The following RGS5 variants were observed in gnomAD, a reference collection of about 807,000 sequenced individuals.
The protein encoded by RGS5 is regulator of G protein signaling 5.
Under a neutral mutation model 18.9 loss-of-function variants are expected in RGS5, and 20 were observed. The observed-to-expected ratio is 1.06, with a 90% CI of 0.74 to 1.54. The LOEUF is 1.54. Among genes scored for constraint, RGS5 ranks in the 40% most tolerant of loss-of-function variants. The pLI, the probability that RGS5 is intolerant of heterozygous loss-of-function variation, is 0.00. For synonymous variants in RGS5, 57 were observed against 76.2 expected, an observed-to-expected ratio of 0.75 and a Z score of 1.31; for missense variants, 201 against 211.8, an observed-to-expected ratio of 0.95 and a Z score of 0.32.
At chr1:163,296,020 G>A (rs181463322) in intron 2 of RGS5, among the ~76,000 whole-genome samples, 5 of 152,226 alleles carry the variant, frequency 3.3e-5, no homozygotes, top group Non-Finnish European at 7.4e-5. Flanking sequence ...CAAGTTCTTA[G>A]GTTGGCATCT....
intron 2 of RGS5, among the ~76,000 whole-genome samples, 175 bp downstream of exon 2, chr1:163,168,083 A>G (rs1053072667): frequency 6.6e-6 from 1 of 152,094 alleles, no homozygotes; most frequent in Non-Finnish European, 1.5e-5. Flanking sequence ...TGCTCCAGAC[A>G]TGAGATAGTT....
chr1:163,175,861 A>C (rs1476851315), intron 1 of RGS5, among the ~76,000 whole-genome samples: 3 of 152,202 alleles, frequency 2.0e-5, no homozygotes, highest in Non-Finnish European at 4.4e-5. Context: ...AAATGATAAA[A>C]AGGTGAAGAA....
chr1:163,234,602 G>C (rs933578330), intron 2 of RGS5, among the ~76,000 whole-genome samples: 1 of 152,112 alleles, frequency 6.6e-6, no homozygotes, highest in African/African-American at 2.4e-5. Context: ...CCTCCATAAA[G>C]ATCATAGAAT....
chr1:163,196,110 G>T (rs114439041), intron 1 of RGS5, among the ~76,000 whole-genome samples: 1 of 152,064 alleles, frequency 6.6e-6, no homozygotes, highest in Non-Finnish European at 1.5e-5. Context: ...TTCCTCGATC[G>T]TTAGAAACAA....
At chr1:163,209,217 T>C (rs1026149316) in intron 1 of RGS5, among the ~76,000 whole-genome samples, 1 of 152,120 alleles carries the variant, frequency 6.6e-6, no homozygotes, top group African/African-American at 2.4e-5. Flanking sequence ...AATTACAGAG[T>C]ATCTTACACT....
chr1:163,179,725 G>A (rs1365343250), intron 1 of RGS5, among the ~76,000 whole-genome samples: 2 of 152,168 alleles, frequency 1.3e-5, no homozygotes, highest in Non-Finnish European at 2.9e-5. Context: ...TAAGTTTAGT[G>A]AGAAAACCTC....
At chr1:163,250,744 G>C (rs911107177) in intron 2 of RGS5, among the ~76,000 whole-genome samples, 9 of 152,286 alleles carry the variant, frequency 5.9e-5, no homozygotes, top group African/African-American at 2.2e-4. Flanking sequence ...GCTCTGTTGA[G>C]TCAGTAATTC....
At chr1:163,191,459 G>A (rs1485357461) in intron 1 of RGS5, among the ~76,000 whole-genome samples, 1 of 152,184 alleles carries the variant, frequency 6.6e-6, no homozygotes, top group Non-Finnish European at 1.5e-5. Flanking sequence ...CCTCTTCAGA[G>A]TAACAGTTTA....
chr1:163,307,995 AT>A (rs1461787783), intron 1 of RGS5, among the ~76,000 whole-genome samples: 1 of 152,210 alleles, frequency 6.6e-6, no homozygotes, highest in Non-Finnish European at 1.5e-5. Flanking sequence ...TCTTAACTCC[AT>A]GAACAATCTG....
intron 1 of RGS5, among the ~76,000 whole-genome samples, chr1:163,182,756 G>A (rs947087541): frequency 7.9e-5 from 12 of 152,258 alleles, no homozygotes; most frequent in African/African-American, 2.9e-4. Flanking sequence ...CAAAGGTGGA[G>A]GGGTCAGAAG....
intron 2 of RGS5, among the ~76,000 whole-genome samples, chr1:163,296,649 T>C (rs1177306156): frequency 1.3e-5 from 2 of 152,174 alleles, no homozygotes; most frequent in African/African-American, 4.8e-5. Flanking sequence ...AGGTTATAGT[T>C]TATTCTAACT....
intron 2 of RGS5, among the ~76,000 whole-genome samples, chr1:163,259,407 GC>G (rs922687436): frequency 3.3e-5 from 5 of 149,488 alleles, no homozygotes; most frequent in African/African-American, 1.2e-4. Flanking sequence ...CTCGTGATCC[GC>G]CCGCCTCTGC....
At chr1:163,270,181 T>C (rs1056955019) in intron 2 of RGS5, among the ~76,000 whole-genome samples, 1 of 151,976 alleles carries the variant, frequency 6.6e-6, no homozygotes, top group Non-Finnish European at 1.5e-5. Context: ...CTCAGAGATG[T>C]TTGAATTCTT....
upstream of RGS5, among the ~76,000 whole-genome samples, chr1:163,218,679 T>C (rs1660270479): frequency 6.6e-6 from 1 of 152,090 alleles, no homozygotes. Flanking sequence ...TTCACCTACG[T>C]TCCCCAGGTG....
In RGS5 at chr1:163,161,982, T is replaced by A. The variant is rs76235208; in HGVS notation, c.156-6A>T. 7,259 of 1,611,236 alleles carry A rather than the reference T, an allele frequency of 4.5e-3. 26 individuals are homozygous for A. Among genetic ancestry groups the A allele is most frequent in the Non-Finnish European group, 5.6e-3 (6,545 of 1,177,588 alleles). On this transcript the variant is annotated splice_region_variant and splice_polypyrimidine_tract_variant and intron_variant, in intron 2 of 4. Transcript: ENST00000313961. The stretch of plus-strand genomic sequence containing the variant: ...GGGCCTCGTCCAGCGAGGTTCTACA[T>A]CAATAATAAGGAGAGAAAAGGGGTA...
rs992764050 is a variant in RGS5 at position 163,146,231 on chromosome 1, A to G, written c.*1111T>C. The G allele has an allele frequency of 6.7e-6, 1 of 149,258 alleles. No individual in the cohort carries two copies. The highest frequency in any genetic ancestry group is 2.6e-5 in the African/African-American group (1 of 38,970). The allele number at this position is 149,258 out of a possible 1,614,324, so 9.2% of individuals were successfully genotyped here. On this transcript the variant is annotated 3_prime_UTR_variant, in exon 5 of 5. Transcript: ENST00000313961. ...ATAGTGAAGGAATACTGGGGTTGCT[A>G]AAAGATTACTTTTTTTTTTTTTTTT... is the stretch of plus-strand genomic sequence containing the variant.
At chr1:163,308,907 A>T (rs7540538) in intron 1 of RGS5, among the ~76,000 whole-genome samples, 62,942 of 151,770 alleles carry the variant, frequency 0.41, 13,486 homozygotes, top group South Asian at 0.5. Context: ...AAATGTACAA[A>T]AATATTATGT....
At position 163,243,786 on chromosome 1, in the gene RGS5, G is replaced by C. The variant is rs555790889; in HGVS notation, c.-281+62447C>G. Among the ~76,000 whole-genome samples, 24 of 149,024 alleles carry C rather than the reference G, an allele frequency of 1.6e-4. No homozygotes were observed. The South Asian group carries it at 5.1e-3, about 32-fold the overall frequency. ...AAGTAACATTAAAAAAAAAAAAGAA[G>C]GAGGAGGCATTTACACACATTCACA... On this transcript the variant is annotated intron_variant, in intron 2 of 5. Transcript: ENST00000618415.
At chr1:163,225,313 A>G (rs961686569) in intron 2 of RGS5, among the ~76,000 whole-genome samples, 1 of 152,232 alleles carries the variant, frequency 6.6e-6, no homozygotes, top group Admixed American at 6.5e-5. Context: ...ATGCTGAGAT[A>G]GCTGAGTCCA....
Sources: allele counts gnomAD v4.1 joint callset (sites outside exome capture counted in the v4.1 genomes callset), GRCh38; gene constraint gnomAD v4.1.1; transcripts MANE v1.5; gene names NCBI Gene and HGNC (gene_info 2026-07-23, HGNC 2026-07-21).